Variants in WRN observed in about 807,000 individuals in gnomAD.
WRN encodes the protein WRN RecQ like helicase.
In WRN, 149 loss-of-function variants were observed where a neutral mutation model predicts 180.7. The ratio of observed to expected loss-of-function variants is 0.82; its 90% CI spans 0.72 to 0.94. The LOEUF (loss-of-function observed/expected upper bound fraction) is 0.94, where lower values mean the gene tolerates loss of function less well. Ranked by LOEUF, WRN falls within the 40% of genes least tolerant of loss-of-function variation. The pLI is 0.00. For synonymous variants in WRN, 548 were observed against 568.9 expected (o/e 0.96, Z 0.52); for missense variants, 1,661 against 1,700.1 (o/e 0.98, Z 0.40).
At chr8:31,053,738 G>T (rs1430995173) in intron 1 of WRN, among the ~76,000 whole-genome samples, 3 of 152,148 alleles carry the variant, frequency 2.0e-5, no homozygotes, top group African/African-American at 4.8e-5. Context: ...ATTCAGCTTT[G>T]GAAAAGTGAA....
At chr8:31,069,256 G>A (rs182770731) in intron 7 of WRN, among the ~76,000 whole-genome samples, 12 of 152,270 alleles carry the variant, frequency 7.9e-5, no homozygotes, top group African/African-American at 2.4e-4. Flanking sequence ...TATAATTGTC[G>A]TTGAGCCTCT....
chr8:31,046,949 G>A (rs1292835421), intron 1 of WRN, among the ~76,000 whole-genome samples: 2 of 152,042 alleles, frequency 1.3e-5, no homozygotes, highest in Non-Finnish European at 2.9e-5. Context: ...TATCCTGTCC[G>A]AAAAGACTGT....
In WRN at chr8:31,132,515, A is replaced by G. The variant is rs191652531; in HGVS notation, c.2967+9A>G. The G allele has an allele frequency of 1.4e-5, 22 of 1,614,010 alleles. No individual in the cohort carries two copies. The highest frequency in any genetic ancestry group is 2.2e-5 in the South Asian group (2 of 91,090). On this transcript the variant is annotated intron_variant, in intron 24 of 34. Coordinates refer to ENST00000298139, the MANE Select transcript of WRN (RefSeq NM_000553.6). ...TATTTCTCCGAGGATCTGTAAGTAT[A>G]TATCTGTGAATTCCCTTCATAGATC...
At chr8:31,147,608 C>A in intron 30 of WRN, 132 bp downstream of exon 30, 2 of 802,248 alleles carry the variant, frequency 2.5e-6, no homozygotes, top group Non-Finnish European at 4.2e-6. Flanking sequence ...CCCCCTGCTG[C>A]GATGCTTATC....
intron 33 of WRN, 100 bp downstream of exon 33, chr8:31,157,630 A>G (rs1803440177): frequency 7.7e-6 from 11 of 1,420,676 alleles, no homozygotes; most frequent in African/African-American, 4.2e-5. Context: ...CCTTTATGCT[A>G]TTATGAAAAC....
intron 31 of WRN, among the ~76,000 whole-genome samples, chr8:31,151,585 TTGAG>T (rs1803130354): frequency 6.6e-6 from 1 of 152,208 alleles, no homozygotes; most frequent in Non-Finnish European, 1.5e-5. Context: ...CCAGCGGTAA[TTGAG>T]TAAGTTCCCT....
At position 31,150,387 on chromosome 8, in the gene WRN, G is replaced by C. The variant is rs1803074596; in HGVS notation, c.3619G>C (p.Gly1207Arg). The C allele has an allele frequency of 6.2e-7, 1 of 1,614,118 alleles. No homozygotes were observed. Among genetic ancestry groups the C allele is most frequent in the East Asian group, 2.2e-5 (1 of 44,868 alleles). The stretch of plus-strand genomic sequence containing the variant: ...AAAAAGGATTGATGGTGTTTCTGAA[G>C]GCAAAGCTGCCATGTTGGCCCCTCT... Reference protein sequence around the residue: ...NVKRIDGVSEGKAAMLAPLLE... With the variant: ...NVKRIDGVSERKAAMLAPLLE... Residue 1207 changes from glycine to arginine, a missense_variant, in exon 31 of 35, where the codon GGC (glycine) becomes CGC (arginine). Gly to Arg is a moderately radical substitution (Grantham distance 125). This residue lies in a region of WRN where 1,141 missense variants were observed against 1,149.4 expected (regional missense o/e 0.99). Coordinates refer to ENST00000298139, the MANE Select transcript of WRN (RefSeq NM_000553.6).
rs771433734 is a variant in WRN, at chr8:31,059,167, G to C, written c.111G>C (p.Lys37Asn). Reference protein sequence around the residue: ...AVEERKACVRKSVFEDDLPFL... With the variant: ...AVEERKACVRNSVFEDDLPFL... Reference sequence around the variant, plus strand: ...CTAAACTCAAGGCATGTGTTCGGAAGAGTGTTTTTGAAGATGACCTCCCCT... The same window carrying C: ...CTAAACTCAAGGCATGTGTTCGGAACAGTGTTTTTGAAGATGACCTCCCCT... Residue 37 changes from lysine to asparagine, a missense_variant, in exon 3 of 35, where the codon AAG (lysine) becomes AAC (asparagine). By Grantham distance (94) the Lys-to-Asn change is moderately conservative. This residue lies in a region of WRN where 500 missense variants were observed against 504.1 expected (regional missense o/e 0.99). Transcript: ENST00000298139. The C allele has an allele frequency of 3.1e-6, 5 of 1,613,714 alleles. No homozygotes were observed. The highest frequency in any genetic ancestry group is 4.2e-6 in the Non-Finnish European group (5 of 1,179,734).
intron 20 of WRN, among the ~76,000 whole-genome samples, chr8:31,117,051 T>A (rs1356210977): frequency 6.6e-6 from 1 of 152,182 alleles, no homozygotes; most frequent in Non-Finnish European, 1.5e-5. Context: ...AATGGGTCGG[T>A]TGGCCAGGTT....
At chr8:31,138,782 G>C (rs1405296596) in intron 24 of WRN, among the ~76,000 whole-genome samples, 1 of 152,066 alleles carries the variant, frequency 6.6e-6, no homozygotes. Context: ...ATTTAGGAGA[G>C]CATGGTACAG....
chr8:31,076,092 C>T, intron 7 of WRN, 81 bp from the exon 8 acceptor site: 2 of 1,152,758 alleles, frequency 1.7e-6, no homozygotes, highest in Non-Finnish European at 2.6e-6. Flanking sequence ...AATTTGATCC[C>T]TAATATTATT....
chr8:31,163,189 C>T (rs549867038), intron 33 of WRN, among the ~76,000 whole-genome samples: 1 of 152,204 alleles, frequency 6.6e-6, no homozygotes, highest in African/African-American at 2.4e-5. Context: ...ATTCTAACAT[C>T]ACTTCATTAT....
intron 16 of WRN, among the ~76,000 whole-genome samples, chr8:31,096,063 G>C (rs977913108): frequency 1.3e-5 from 2 of 152,192 alleles, no homozygotes; most frequent in Non-Finnish European, 2.9e-5. Context: ...GAACTGGGCT[G>C]TTTGACATCA....
chr8:31,040,514 A>T (rs958293542), intron 1 of WRN, among the ~76,000 whole-genome samples: 1 of 152,220 alleles, frequency 6.6e-6, no homozygotes, highest in East Asian at 1.9e-4. Flanking sequence ...AAAGGGATTG[A>T]TATAGATGGA....
At chr8:31,172,351 G>A (rs1387085888) in intron 34 of WRN, among the ~76,000 whole-genome samples, 1 of 152,112 alleles carries the variant, frequency 6.6e-6, no homozygotes, top group African/African-American at 2.4e-5. Flanking sequence ...GAGGGTTAGA[G>A]GCTCTTTGGC....
intron 24 of WRN, among the ~76,000 whole-genome samples, chr8:31,139,084 G>T (rs765095849): frequency 5.9e-5 from 9 of 152,018 alleles, no homozygotes; most frequent in Non-Finnish European, 1.2e-4. Context: ...TATGTATGTC[G>T]TTCTTGTTCT....
At chr8:31,043,305 G>A (rs1324988010) in intron 1 of WRN, among the ~76,000 whole-genome samples, 7 of 152,144 alleles carry the variant, frequency 4.6e-5, no homozygotes, top group Non-Finnish European at 1.0e-4. Context: ...CAATAATTAT[G>A]GCCAGGAGAT....
intron 34 of WRN, among the ~76,000 whole-genome samples, chr8:31,169,371 A>T (rs1013304920): frequency 9.2e-5 from 14 of 151,914 alleles, no homozygotes; most frequent in African/African-American, 3.1e-4. Context: ...TTACCAAAGG[A>T]GCAACACTAT....
At chr8:31,080,026 G>A (rs371873775) in intron 8 of WRN, among the ~76,000 whole-genome samples, 2 of 151,984 alleles carry the variant, frequency 1.3e-5, no homozygotes, top group African/African-American at 4.8e-5. Flanking sequence ...GATTACAGGC[G>A]CATGCCACCA....
Sources: allele counts gnomAD v4.1 joint callset (sites outside exome capture counted in the v4.1 genomes callset), GRCh38; gene constraint gnomAD v4.1.1; regional missense constraint gnomAD v4.1.1; transcripts MANE v1.5; gene names NCBI Gene and HGNC (gene_info 2026-07-23, HGNC 2026-07-21).